ERBB4: variants seen among roughly 807,000 people sequenced by gnomAD.
The protein encoded by ERBB4 is erb-b2 receptor tyrosine kinase 4.
Under a neutral mutation model 158.0 loss-of-function variants are expected in ERBB4, and 42 were observed. The ratio of observed to expected loss-of-function variants is 0.27; its 90% CI spans 0.21 to 0.34. The LOEUF (loss-of-function observed/expected upper bound fraction) is 0.34, where lower values mean the gene tolerates loss of function less well. ERBB4 is among the 10% of genes least tolerant of loss of function. The probability of loss-of-function intolerance (pLI) is 1.00; values close to 1 mark genes in which losing one functional copy is unlikely to be tolerated. For missense variants in ERBB4, 1,333 were observed against 1,624.1 expected (o/e 0.82, Z 3.08); for synonymous variants, 583 against 558.7 (o/e 1.04, Z -0.61).
chr2:211,709,389 A>G (rs1025802924), intron 9 of ERBB4, among the ~76,000 whole-genome samples: 2 of 151,450 alleles, frequency 1.3e-5, no homozygotes, highest in South Asian at 4.1e-4. Context: ...CAAGACTAAA[A>G]TAACTATTCT....
rs374302829 is a variant in ERBB4 at position 211,901,403 on chromosome 2, G to A, written c.421+46027C>T. 4.6e-5 allele frequency among the ~76,000 whole-genome samples: 7 copies of A among 152,158 alleles called. No homozygotes were observed. The East Asian group carries it at 7.7e-4, about 17-fold the overall frequency. On this transcript the variant is annotated intron_variant, in intron 3 of 27. Coordinates refer to ENST00000342788, the MANE Select transcript of ERBB4 (RefSeq NM_005235.3). ...CATGACAGGTGCATGGTGTTACACT[G>A]TGTGTGGGCGCTGATCCTGGCAGGA...
intron 7 of ERBB4, among the ~76,000 whole-genome samples, chr2:211,721,479 A>AAAAT (rs2074091996): frequency 2.2e-5 from 3 of 137,424 alleles, no homozygotes; most frequent in Non-Finnish European, 3.1e-5. Context: ...AGTCAAGTAA[A>AAAAT]TATCAATATA....
At position 212,516,887 on chromosome 2, in the gene ERBB4, T is replaced by A. The variant is rs1434581768; in HGVS notation, c.82+21562A>T. Among the ~76,000 whole-genome samples, 3 of 152,100 alleles carry A rather than the reference T, an allele frequency of 2.0e-5. No individual in the cohort carries two copies. The East Asian group carries it at 5.8e-4, about 29-fold the overall frequency. ...GCCTGTGAGGTATTGAAGAAATGAATGTCTAGGCAGAATGTGTTGAATGTC... is the reference window on the plus strand; with the variant it reads ...GCCTGTGAGGTATTGAAGAAATGAAAGTCTAGGCAGAATGTGTTGAATGTC... On this transcript the variant is annotated intron_variant, in intron 1 of 27. Coordinates refer to ENST00000342788, the MANE Select transcript of ERBB4 (RefSeq NM_005235.3).
At chr2:212,466,006 T>A (rs1474063455) in intron 1 of ERBB4, among the ~76,000 whole-genome samples, 2 of 150,848 alleles carry the variant, frequency 1.3e-5, no homozygotes, top group Admixed American at 6.6e-5. Context: ...AGACTAGATA[T>A]AAGAACCAGA....
chr2:212,026,388 A>G (rs2076772652), intron 2 of ERBB4, among the ~76,000 whole-genome samples: 1 of 151,764 alleles, frequency 6.6e-6, no homozygotes, highest in South Asian at 2.1e-4. Context: ...TGAGCTCACA[A>G]TATAATATTT....
chr2:211,637,812 T>C (rs1337507373), intron 16 of ERBB4, among the ~76,000 whole-genome samples: 2 of 152,000 alleles, frequency 1.3e-5, no homozygotes, highest in African/African-American at 4.8e-5. Flanking sequence ...ACATTTTATG[T>C]ATTGGAGTCT....
At chr2:211,826,372 T>G (rs998741920) in intron 3 of ERBB4, among the ~76,000 whole-genome samples, 1 of 151,878 alleles carries the variant, frequency 6.6e-6, no homozygotes, top group Non-Finnish European at 1.5e-5. Context: ...CTATCTCAAG[T>G]AGTAAATGTT....
intron 3 of ERBB4, among the ~76,000 whole-genome samples, chr2:211,909,341 C>T (rs930951174): frequency 4.0e-5 from 6 of 151,508 alleles, no homozygotes; most frequent in Non-Finnish European, 8.8e-5. Context: ...TATATGGTCA[C>T]GTGTTACTTA....
intron 13 of ERBB4, among the ~76,000 whole-genome samples, chr2:211,673,581 T>C (rs370191824): frequency 3.4e-5 from 5 of 146,520 alleles, no homozygotes; most frequent in African/African-American, 1.3e-4. Context: ...TTTTACCTTT[T>C]TAAATAGGGC....
At chr2:212,289,088 C>A (rs1481922365) in intron 1 of ERBB4, among the ~76,000 whole-genome samples, 1 of 152,068 alleles carries the variant, frequency 6.6e-6, no homozygotes, top group Non-Finnish European at 1.5e-5. Context: ...ACTACCTACG[C>A]CCCAAGTTTC....
chr2:212,454,200 A>G (rs1574950446), intron 1 of ERBB4, among the ~76,000 whole-genome samples: 1 of 152,210 alleles, frequency 6.6e-6, no homozygotes, highest in East Asian at 1.9e-4. Flanking sequence ...CGGCCTCCCA[A>G]AGTGTTGGAA....
At chr2:211,607,173 C>A (rs572019578) in intron 19 of ERBB4, among the ~76,000 whole-genome samples, 45 of 152,130 alleles carry the variant, frequency 3.0e-4, no homozygotes, top group African/African-American at 1.1e-3. Flanking sequence ...TAACTGGCTC[C>A]CTTGGCTATT....
chr2:211,732,031 C>A (rs764526061), intron 5 of ERBB4, among the ~76,000 whole-genome samples: 10 of 151,318 alleles, frequency 6.6e-5, no homozygotes, highest in African/African-American at 1.7e-4. Context: ...TTATTTGGAG[C>A]CTTAAGATTT....
chr2:211,403,685 T>C (rs978217661), intron 25 of ERBB4, among the ~76,000 whole-genome samples: 1 of 152,198 alleles, frequency 6.6e-6, no homozygotes. Flanking sequence ...ATGCCAATTC[T>C]TTAAGAATCC....
rs185885319 is a variant in ERBB4, at chr2:211,378,256, G to A, written c.*5359C>T. Reference sequence around the variant, plus strand: ...TGTCAAAGAGTATTTTCCAGAGGAAGCATGTGAATACCCCCCGTGAAATTG... The same window carrying A: ...TGTCAAAGAGTATTTTCCAGAGGAAACATGTGAATACCCCCCGTGAAATTG... On this transcript the variant is annotated 3_prime_UTR_variant, in exon 28 of 28. Coordinates refer to ENST00000342788, the MANE Select transcript of ERBB4 (RefSeq NM_005235.3). 7.3e-3 allele frequency: 1,695 copies of A among 232,924 alleles called. 20 individuals carry two copies. The highest frequency in any genetic ancestry group is 0.019 in the South Asian group (104 of 5,522). 14.4% of individuals were successfully genotyped at this position (232,924 alleles called of 1,614,324 possible).
intron 1 of ERBB4, among the ~76,000 whole-genome samples, chr2:212,416,687 C>A (rs16848519): frequency 0.016 from 2,462 of 152,062 alleles, 60 homozygotes; most frequent in African/African-American, 0.055. Context: ...CACTGCAGTA[C>A]ATTACTGACA....
intron 1 of ERBB4, among the ~76,000 whole-genome samples, chr2:212,419,555 A>G (rs1289307705): frequency 6.6e-6 from 1 of 151,894 alleles, no homozygotes; most frequent in African/African-American, 2.4e-5. Context: ...ATATAAATGT[A>G]TATGCATATA....
chr2:211,612,968 A>T (rs1351484921), intron 19 of ERBB4, among the ~76,000 whole-genome samples: 1 of 152,040 alleles, frequency 6.6e-6, no homozygotes, highest in Non-Finnish European at 1.5e-5. Context: ...TACAGATACA[A>T]AATATATAAA....
chr2:212,440,487 T>C (rs955784679), intron 1 of ERBB4, among the ~76,000 whole-genome samples: 2 of 152,174 alleles, frequency 1.3e-5, no homozygotes, highest in Admixed American at 6.5e-5. Context: ...TGTAAGTTAA[T>C]ACTTAATACA....
Sources: gnomAD v4.1 joint callset for allele counts (sites outside exome capture counted in the v4.1 genomes callset) on GRCh38, gnomAD v4.1.1 for gene constraint, MANE v1.5 for transcripts, NCBI Gene and HGNC (gene_info 2026-07-23, HGNC 2026-07-21) for gene names.